TNIP3: variants seen among roughly 807,000 people sequenced by gnomAD.
TNIP3 encodes the protein TNFAIP3-interacting protein 3.
In TNIP3, 34 loss-of-function variants were observed where a neutral mutation model predicts 54.1. That is an observed-to-expected ratio of 0.63 (90% CI 0.48 to 0.84). The LOEUF (loss-of-function observed/expected upper bound fraction) is 0.84, where lower values mean the gene tolerates loss of function less well. Among genes scored for constraint, TNIP3 ranks in the 40% least tolerant of loss-of-function variants. The probability of loss-of-function intolerance (pLI) is 0.00; values close to 1 mark genes in which losing one functional copy is unlikely to be tolerated. For synonymous variants in TNIP3, 134 were observed against 136.8 expected (o/e 0.98, Z 0.14); for missense variants, 366 against 387.6 (o/e 0.94, Z 0.47).
chr4:121,165,115 G>T (rs1448621304), upstream of TNIP3, among the ~76,000 whole-genome samples: 1 of 151,658 alleles, frequency 6.6e-6, no homozygotes, highest in African/African-American at 2.4e-5. Context: ...AAAGAGAAAA[G>T]AATTTATGGT....
intron 7 of TNIP3, among the ~76,000 whole-genome samples, chr4:121,145,044 T>G (rs924072610): frequency 6.6e-6 from 1 of 152,222 alleles, no homozygotes; most frequent in African/African-American, 2.4e-5. Context: ...TTTCACTGAC[T>G]TAACGCATCC....
intron 1 of TNIP3, chr4:121,227,306 TA>T: frequency 7.5e-7 from 1 of 1,342,070 alleles, no homozygotes; most frequent in Non-Finnish European, 1.0e-6. Context: ...TTATGCATTT[TA>T]AAAAAGAAAT....
At chr4:121,224,232 G>C (rs1421132673) in intron 1 of TNIP3, among the ~76,000 whole-genome samples, 1 of 152,010 alleles carries the variant, frequency 6.6e-6, no homozygotes, top group Admixed American at 6.6e-5. Context: ...ATGTGGTGGT[G>C]GGCGCCTGTA....
At chr4:121,154,347 G>C (rs1011400848) in intron 5 of TNIP3, 1 of 563,246 alleles carries the variant, frequency 1.8e-6, no homozygotes, top group African/African-American at 1.9e-5. Context: ...ATCTTTGTAG[G>C]GACAAAAATT....
Position 121,157,119 on chromosome 4 carries a change from G to A in TNIP3, c.338C>T (p.Thr113Ile), listed in dbSNP as rs754969937. 2.5e-6 allele frequency: 4 copies of A among 1,608,486 alleles called. No homozygotes were observed. In the South Asian group the frequency reaches 3.3e-5, roughly 13 times the overall value. ...QREDDRQRDL[T>I]RDRLQREEKE... Reference sequence around the variant, plus strand: ...CTCCTCCCGCTGCAGCCGGTCCCGGGTCAGGTCGCGCTGCCTGTCGTCCTC... The same window carrying A: ...CTCCTCCCGCTGCAGCCGGTCCCGGATCAGGTCGCGCTGCCTGTCGTCCTC... Residue 113 changes from threonine to isoleucine, a missense_variant, in exon 4 of 11, where the codon ACC becomes ATC. Transcript: ENST00000057513.
upstream of TNIP3, among the ~76,000 whole-genome samples, chr4:121,218,460 T>C (rs558563711): frequency 6.6e-6 from 1 of 152,142 alleles, no homozygotes; most frequent in Non-Finnish European, 1.5e-5. Flanking sequence ...TATTAACCAG[T>C]GACAATCAGA....
intron 2 of TNIP3, chr4:121,182,867 T>A: frequency 6.9e-7 from 1 of 1,457,816 alleles, no homozygotes. Context: ...TAGAGTGAGT[T>A]TATGGATGAC....
chr4:121,210,379 TA>T (rs1726415409), intron 2 of TNIP3, among the ~76,000 whole-genome samples: 1 of 152,246 alleles, frequency 6.6e-6, no homozygotes, highest in African/African-American at 2.4e-5. Flanking sequence ...GAATATCTTC[TA>T]ATATATTGCC....
At chr4:121,134,010 G>A (rs1381863699) in intron 10 of TNIP3, among the ~76,000 whole-genome samples, 2 of 152,002 alleles carry the variant, frequency 1.3e-5, no homozygotes, top group Non-Finnish European at 2.9e-5. Context: ...GAAAAAAAAA[G>A]TTTTTCTATT....
chr4:121,194,978 G>A (rs1024076462), intron 2 of TNIP3, among the ~76,000 whole-genome samples: 2 of 152,088 alleles, frequency 1.3e-5, no homozygotes, highest in African/African-American at 4.8e-5. Context: ...GACCAGCCTG[G>A]TCAACATGGC....
chr4:121,157,077 A>G lies in TNIP3; in HGVS notation c.363+17T>C. The G allele has an allele frequency of 1.2e-6, 2 of 1,613,186 alleles. No homozygotes were observed. The highest frequency in any genetic ancestry group is 1.7e-6 in the Non-Finnish European group (2 of 1,179,832). On this transcript the variant is annotated intron_variant, in intron 4 of 10. Coordinates refer to ENST00000057513, the MANE Select transcript of TNIP3 (RefSeq NM_024873.6). ...TTATTTGGATCCTCCGGGCTCGAGGACCCGGGCCCCGCCCACCTCCTCCCG... is the reference window on the plus strand; with the variant it reads ...TTATTTGGATCCTCCGGGCTCGAGGGCCCGGGCCCCGCCCACCTCCTCCCG...
intron 5 of TNIP3, among the ~76,000 whole-genome samples, chr4:121,150,802 C>T (rs1261914062): frequency 2.0e-5 from 3 of 152,230 alleles, no homozygotes; most frequent in African/African-American, 4.8e-5. Context: ...GATTCATTAT[C>T]TGTTAGCTCT....
chr4:121,157,417 G>A (rs185859692), intron 3 of TNIP3, 174 bp from the exon 4 acceptor site: 3 of 785,988 alleles, frequency 3.8e-6, no homozygotes, highest in East Asian at 2.5e-5. Flanking sequence ...CGTTTCAAAG[G>A]GAGCTTGGCC....
intron 10 of TNIP3, chr4:121,138,128 G>A (rs972846224): frequency 1.0e-4 from 39 of 371,826 alleles, no homozygotes; most frequent in African/African-American, 7.8e-4. Context: ...ACTTTGAGGT[G>A]GGCGTTGTGG....
chr4:121,157,039 C>A, intron 4 of TNIP3, 55 bp downstream of exon 4: 1 of 1,605,592 alleles, frequency 6.2e-7, no homozygotes, highest in Non-Finnish European at 8.5e-7. Flanking sequence ...GAAATCCCCC[C>A]GCCCCTTTGC....
At chr4:121,157,267 C>T (rs769045013) in intron 3 of TNIP3, 24 bp from the exon 4 acceptor site, 1 of 1,614,004 alleles carries the variant, frequency 6.2e-7, no homozygotes, top group South Asian at 1.1e-5. Context: ...TCAAAGACAG[C>T]TGCAGATACC....
At chr4:121,185,272 A>G (rs1252924973) in intron 2 of TNIP3, among the ~76,000 whole-genome samples, 1 of 151,916 alleles carries the variant, frequency 6.6e-6, no homozygotes, top group Non-Finnish European at 1.5e-5. Flanking sequence ...AGCAGTTCCC[A>G]CTCCAGGCCT....
chr4:121,213,384 A>G (rs1340362912), intron 2 of TNIP3, among the ~76,000 whole-genome samples: 1 of 152,164 alleles, frequency 6.6e-6, no homozygotes, highest in African/African-American at 2.4e-5. Context: ...TTTTTCTTGC[A>G]TGGTTATAAT....
intron 2 of TNIP3, among the ~76,000 whole-genome samples, chr4:121,203,258 T>A (rs930313935): frequency 5.3e-5 from 8 of 150,882 alleles, no homozygotes; most frequent in African/African-American, 1.7e-4. Flanking sequence ...GATAGATAGA[T>A]AGAAAGATAC....
Sources: allele counts gnomAD v4.1 joint callset (sites outside exome capture counted in the v4.1 genomes callset), GRCh38; gene constraint gnomAD v4.1.1; transcripts MANE v1.5; gene names NCBI Gene and HGNC (gene_info 2026-07-23, HGNC 2026-07-21).